BTNL9: variants seen among roughly 807,000 people sequenced by gnomAD.
The protein encoded by BTNL9 is butyrophilin like 9, also known as butyrophilin-like protein 9.
A neutral mutation model predicts 45.8 loss-of-function variants in BTNL9; 45 were observed. The ratio of observed to expected loss-of-function variants is 0.98; its 90% CI spans 0.77 to 1.26. The LOEUF (loss-of-function observed/expected upper bound fraction) is 1.26. Ranked by LOEUF, BTNL9 falls within the 50% of genes most tolerant of loss-of-function variation. The pLI is 0.00. For missense variants in BTNL9, 784 were observed against 729.7 expected (o/e 1.07, Z -0.86); for synonymous variants, 346 against 330.8 (o/e 1.05, Z -0.50).
At position 181,060,099 on chromosome 5, in the gene BTNL9, A is replaced by G. The variant is rs1026359024; in HGVS notation, c.*237A>G. ...TGGGACTGAGCGAAGGAGTACAAATATATCCACGTCGCTCAGAGCTGGGGT... is the reference window on the plus strand; with the variant it reads ...TGGGACTGAGCGAAGGAGTACAAATGTATCCACGTCGCTCAGAGCTGGGGT... On this transcript the variant is annotated 3_prime_UTR_variant, in exon 11 of 11. Transcript: ENST00000327705. 1 of 514,924 alleles carries G rather than the reference A, an allele frequency of 1.9e-6. No individual in the cohort carries two copies. Among genetic ancestry groups the G allele is most frequent in the East Asian group, 3.1e-5 (1 of 32,152 alleles). 31.9% of individuals were successfully genotyped at this position (514,924 alleles called of 1,614,324 possible).
At position 181,059,764 on chromosome 5, in the gene BTNL9, C is replaced by T. The variant is rs1334163399; in HGVS notation, c.1510C>T (p.Pro504Ser). Residue 504 changes from proline to serine, a missense_variant, in exon 11 of 11, where the codon CCG becomes TCG. Pro to Ser is a moderately conservative substitution (Grantham distance 74, BLOSUM62 -1). Transcript: ENST00000327705. ...GEHPDPLTIC[P>S]LPVRGTGVPE... ...ACATCCGGATCCCCTGACCATCTGC[C>T]CGCTGCCGGTTAGAGGGACGGGCGT... 1.2e-6 allele frequency: 2 copies of T among 1,611,656 alleles called. No individual in the cohort carries two copies. The highest frequency in any genetic ancestry group is 1.1e-5 in the South Asian group (1 of 91,008).
rs528187203 is a variant in BTNL9 at position 181,056,649 on chromosome 5, G to A, written c.955+634G>A. ...ACGTGTTGCCTTACGGCGCTGTGTG[G>A]AGATTTCTCTGGGGTATATAACTAG... On this transcript the variant is annotated intron_variant, in intron 9 of 10. Transcript: ENST00000327705. The A allele has an allele frequency of 1.5e-3, 1,060 of 716,952 alleles. 9 individuals carry two copies. Among genetic ancestry groups the A allele is most frequent in the Middle Eastern group, 8.8e-3 (38 of 4,328 alleles). The allele number at this position is 716,952 out of a possible 1,614,324, so 44.4% of individuals were successfully genotyped here.
In BTNL9 at chr5:181,045,591, G is replaced by C. The variant is rs200387419; in HGVS notation, c.102G>C (p.Pro34=). ...TCCTCCTCCTTCAGCCTGGGGAGCCGAGCTCAGGTATTGTGTCTGCAGCCT... is the reference window on the plus strand; with the variant it reads ...TCCTCCTCCTTCAGCCTGGGGAGCCCAGCTCAGGTATTGTGTCTGCAGCCT... ...MHLLLLQPGE[P]SSEVKVLGPE... is the part of the protein sequence containing the mutation. Residue 34 remains proline, a synonymous_variant, in exon 2 of 11, where the codon CCG becomes CCC. Transcript: ENST00000327705. 264 of 1,610,622 alleles carry C rather than the reference G, an allele frequency of 1.6e-4. 1 individual carries two copies. Among genetic ancestry groups the C allele is most frequent in the Admixed American group, 9.0e-4 (54 of 59,960 alleles).
chr5:181,040,297 C>A lies in BTNL9; in HGVS notation c.-159C>A. The A allele has an allele frequency of 6.6e-6, 1 of 152,348 alleles. No individual in the cohort carries two copies. Among genetic ancestry groups the A allele is most frequent in the Non-Finnish European group, 1.5e-5 (1 of 68,050 alleles). The allele number at this position is 152,348 out of a possible 1,614,324, so 9.4% of individuals were successfully genotyped here. On this transcript the variant is annotated 5_prime_UTR_variant, in exon 1 of 11. Transcript: ENST00000327705. ...GTCACACGTGCCCTGGCCTCTGGAG[C>A]TCAGCTGCCAGTCCACGTCTAGGGA...
At position 181,053,400 on chromosome 5, in the gene BTNL9, G is replaced by A. The variant is rs1761686811; in HGVS notation, c.854-69G>A. On this transcript the variant is annotated intron_variant, in intron 5 of 10. Coordinates refer to ENST00000327705, the MANE Select transcript of BTNL9 (RefSeq NM_152547.5). The surrounding 1 kb of genome is among the most constrained non-coding windows in gnomAD (Gnocchi z 6.5). ...GCGGAGGCGCCTCCCCCCAGGACGCGGCGCGGGAAGGCGGCCTGGAAGGGG... is the reference window on the plus strand; with the variant it reads ...GCGGAGGCGCCTCCCCCCAGGACGCAGCGCGGGAAGGCGGCCTGGAAGGGG... 1.3e-6 allele frequency: 2 copies of A among 1,533,770 alleles called. No individual in the cohort carries two copies. The highest frequency in any genetic ancestry group is 2.0e-5 in the Admixed American group (1 of 49,576).
Position 181,050,265 on chromosome 5 carries a change from T to G in BTNL9, c.632T>G (p.Leu211Arg). ...TGGGATGCCCAGGACCTGTTCAGTC[T>G]GGAAACATCTGTGGTTGTCCGAGCG... Reference protein sequence around the residue: ...IVWDAQDLFSLETSVVVRAGA... With the variant: ...IVWDAQDLFSRETSVVVRAGA... Residue 211 changes from leucine to arginine, a missense_variant, in exon 4 of 11, where the codon CTG (leucine) becomes CGG (arginine). Physicochemically the swap from Leu to Arg is moderately radical, Grantham distance 102. Coordinates refer to ENST00000327705, the MANE Select transcript of BTNL9 (RefSeq NM_152547.5). The surrounding 1 kb of genome is among the most constrained non-coding windows in gnomAD (Gnocchi z 4.9). 6.2e-7 allele frequency: 1 copy of G among 1,614,202 alleles called. No homozygotes were observed.
chr5:181,051,592 C>G (rs966783713), intron 4 of BTNL9, among the ~76,000 whole-genome samples: 2 of 152,160 alleles, frequency 1.3e-5, no homozygotes, highest in East Asian at 3.8e-4. Flanking sequence ...CTTGGAGCCA[C>G]GCAGCTAAGC....
intron 2 of BTNL9, 49 bp downstream of exon 2, chr5:181,045,647 T>G: frequency 7.0e-7 from 1 of 1,427,808 alleles, no homozygotes; most frequent in Non-Finnish European, 9.9e-7. Context: ...CCACCCCTCC[T>G]GCCAGGTGCT....
chr5:181,059,255 C>T lies in BTNL9; in HGVS notation c.1001C>T (p.Pro334Leu), dbSNP rs768117699. The change falls in exon 11 of 11, where the codon CCG becomes CTG. Residue 334 changes from proline (P) to leucine (L), a missense_variant. Pro to Leu is a moderately conservative substitution (Grantham distance 98). Transcript: ENST00000327705. Reference protein sequence around the residue: ...QKYAVDVTLDPASAHPSLEVS... With the variant: ...QKYAVDVTLDLASAHPSLEVS... The stretch of plus-strand genomic sequence containing the variant: ...TGCGCAGTGGATGTGACGCTGGACC[C>T]GGCCTCGGCGCACCCCAGCCTGGAG... 3.8e-6 allele frequency: 6 copies of T among 1,562,116 alleles called. No individual in the cohort carries two copies. The South Asian group carries it at 4.6e-5, about 12-fold the overall frequency.
At chr5:181,046,061 C>T (rs1761116279) in intron 2 of BTNL9, among the ~76,000 whole-genome samples, 1 of 148,824 alleles carries the variant, frequency 6.7e-6, no homozygotes, top group African/African-American at 2.5e-5. Context: ...CACCATCTCC[C>T]CAGCCCCCAA....
At chr5:181,051,206 G>A (rs1278277749) in intron 4 of BTNL9, among the ~76,000 whole-genome samples, 1 of 152,120 alleles carries the variant, frequency 6.6e-6, no homozygotes, top group Non-Finnish European at 1.5e-5. Flanking sequence ...TGGGCGTGTA[G>A]GCAGTGAGCT....
rs1379190995 is a variant in BTNL9 at position 181,048,131 on chromosome 5, A to C, written c.314A>C (p.Lys105Thr). 1.9e-6 allele frequency: 3 copies of C among 1,613,532 alleles called. No individual in the cohort carries two copies. The highest frequency in any genetic ancestry group is 2.5e-6 in the Non-Finnish European group (3 of 1,180,016). Residue 105 changes from lysine (K) to threonine (T), a missense_variant, in exon 3 of 11, where the codon AAG (lysine) becomes ACG (threonine). By Grantham distance (78) the Lys-to-Thr change is moderately conservative. Coordinates refer to ENST00000327705, the MANE Select transcript of BTNL9 (RefSeq NM_152547.5). ...RQMPAFRNRT[K>T]LVKDDIAYGS... ...ATGCCGGCGTTCCGGAACAGGACCA[A>C]GTTGGTCAAGGACGACATCGCCTAT...
At chr5:181,047,558 C>T (rs1761250044) in intron 2 of BTNL9, 11 of 940,574 alleles carry the variant, frequency 1.2e-5, no homozygotes, top group Non-Finnish European at 1.4e-5. Context: ...ATGTTTTTTA[C>T]TTAAGATAAT....
intron 9 of BTNL9, among the ~76,000 whole-genome samples, chr5:181,057,458 T>C (rs1379483825): frequency 6.6e-6 from 1 of 152,246 alleles, no homozygotes; most frequent in Admixed American, 6.5e-5. Context: ...CCACCTTTGA[T>C]GCATATTGGA....
chr5:181,046,854 T>C (rs972887309), intron 2 of BTNL9, among the ~76,000 whole-genome samples: 5 of 152,132 alleles, frequency 3.3e-5, no homozygotes, highest in Admixed American at 2.6e-4. Context: ...CCCAGGAAGT[T>C]GACAGGTAGG....
At chr5:181,054,205 C>T in intron 6 of BTNL9, 34 bp from the exon 7 acceptor site, 1 of 1,613,064 alleles carries the variant, frequency 6.2e-7, no homozygotes, top group Non-Finnish European at 8.5e-7. Flanking sequence ...AGTCTTTCCC[C>T]TTTTCTTCAT....
intron 2 of BTNL9, among the ~76,000 whole-genome samples, chr5:181,046,762 A>G (rs1160001853): frequency 6.6e-6 from 1 of 152,088 alleles, no homozygotes; most frequent in Non-Finnish European, 1.5e-5. Flanking sequence ...CACAGCTAAG[A>G]GCAATGATTT....
intron 2 of BTNL9, among the ~76,000 whole-genome samples, chr5:181,046,451 C>T (rs564427454): frequency 3.3e-5 from 5 of 152,106 alleles, no homozygotes; most frequent in African/African-American, 4.8e-5. Context: ...CATTGATATA[C>T]GTTTTTAATT....
Position 181,053,105 on chromosome 5 carries a change from G to A in BTNL9, c.737-95G>A. 1 of 1,100,528 alleles carries A rather than the reference G, an allele frequency of 9.1e-7. No individual in the cohort carries two copies. The highest frequency in any genetic ancestry group is 1.3e-6 in the Non-Finnish European group (1 of 783,452). 68.2% of individuals were successfully genotyped at this position (1,100,528 alleles called of 1,614,324 possible). A position where few individuals can be genotyped will look rare whatever the true frequency, so the allele number is the denominator to read the frequency against. ...TGCGGTGGCGCCCGGAGAAGGTCCC[G>A]CGGGAGGTTTCCCGGCACGCGGCGG... is the stretch of plus-strand genomic sequence containing the variant. On this transcript the variant is annotated intron_variant, in intron 4 of 10. Coordinates refer to ENST00000327705, the MANE Select transcript of BTNL9 (RefSeq NM_152547.5). This position sits in a 1 kb window ranked among gnomAD's most constrained non-coding sequence, Gnocchi z 6.5.
Sources: gnomAD v4.1 joint callset for allele counts (sites outside exome capture counted in the v4.1 genomes callset) on GRCh38, gnomAD v4.1.1 for gene constraint, Gnocchi (gnomAD v3.1) non-coding constraint, MANE v1.5 for transcripts, NCBI Gene and HGNC (gene_info 2026-07-23, HGNC 2026-07-21) for gene names.